Variants in ST3GAL1 observed in about 807,000 individuals in gnomAD.
ST3GAL1 encodes the protein CMP-N-acetylneuraminate-beta-galactosamide-alpha-2,3-sialyltransferase 1.
A neutral mutation model predicts 34.1 loss-of-function variants in ST3GAL1; 16 were observed. The observed-to-expected ratio is 0.47, with a 90% confidence interval of 0.32 to 0.71. ST3GAL1 has a LOEUF of 0.71. Among genes scored for constraint, ST3GAL1 ranks in the 30% least tolerant of loss-of-function variants. ST3GAL1 has a pLI of 0.04. For missense variants in ST3GAL1, 353 were observed against 447.4 expected, an observed-to-expected ratio of 0.79 and a Z score of 1.90; for synonymous variants, 191 against 184.7, an observed-to-expected ratio of 1.03 and a Z score of -0.28.
chr8:133,527,670 C>T (rs1029733184), intron 2 of ST3GAL1, among the ~76,000 whole-genome samples: 3 of 152,188 alleles, frequency 2.0e-5, no homozygotes, highest in Non-Finnish European at 4.4e-5. Flanking sequence ...TCATCCTAGG[C>T]ACGGGAGAAC....
At chr8:133,535,590 A>G (rs1563731536) in intron 2 of ST3GAL1, among the ~76,000 whole-genome samples, 1 of 149,506 alleles carries the variant, frequency 6.7e-6, no homozygotes, top group Admixed American at 6.6e-5. Flanking sequence ...GCAGCCTTGA[A>G]CTTCTGGCCT....
intron 2 of ST3GAL1, among the ~76,000 whole-genome samples, chr8:133,511,010 G>A (rs1817486392): frequency 6.6e-6 from 1 of 152,198 alleles, no homozygotes; most frequent in Non-Finnish European, 1.5e-5. Flanking sequence ...ATAAACAGAA[G>A]TGCTTGTAGC....
At chr8:133,525,010 G>C (rs937523626) in intron 2 of ST3GAL1, among the ~76,000 whole-genome samples, 1 of 152,174 alleles carries the variant, frequency 6.6e-6, no homozygotes, top group Non-Finnish European at 1.5e-5. Context: ...GAGGGAGGAG[G>C]GTGTGTTTCA....
At chr8:133,540,375 C>A (rs59413766) in intron 2 of ST3GAL1, among the ~76,000 whole-genome samples, 27,704 of 152,100 alleles carry the variant, frequency 0.18, 2,647 homozygotes, top group South Asian at 0.3. Context: ...GGTCTCTGGG[C>A]CAGCTGATAA....
Position 133,541,096 on chromosome 8 carries a change from CATAT to C in ST3GAL1, c.-429+4674_-429+4677del, listed in dbSNP as rs780797700. On this transcript the variant is annotated intron_variant, in intron 2 of 9. Coordinates refer to ENST00000522652, the MANE Select transcript of ST3GAL1 (RefSeq NM_173344.3). ...ATATATATAGACATATATATATAAA[CATAT>C]ATATATATATATATATATATAGAGA... Among the ~76,000 whole-genome samples, 126 of 37,178 alleles carry C rather than the reference CATAT, an allele frequency of 3.4e-3. 7 individuals carry two copies. The highest frequency in any genetic ancestry group is 0.026 in the East Asian group (42 of 1,598). 24.4% of individuals were successfully genotyped at this position (37,178 alleles called of 152,430 possible). A position where few individuals can be genotyped will look rare whatever the true frequency, so the allele number is the denominator to read the frequency against.
At chr8:133,562,324 C>T (rs944351174) in intron 1 of ST3GAL1, among the ~76,000 whole-genome samples, 8 of 151,728 alleles carry the variant, frequency 5.3e-5, no homozygotes, top group Non-Finnish European at 2.9e-5. Flanking sequence ...ATTCTCCTAC[C>T]TCAGCCTCCC....
Position 133,570,330 on chromosome 8 carries a change from G to C in ST3GAL1, c.-582+1363C>G, listed in dbSNP as rs1287391990. The C allele has an allele frequency of 2.0e-5, 3 of 152,304 alleles. No individual in the cohort carries two copies. Among genetic ancestry groups the C allele is most frequent in the Non-Finnish European group, 4.4e-5 (3 of 68,078 alleles). The allele number at this position is 152,304 out of a possible 1,614,324, so 9.4% of individuals were successfully genotyped here. A position where few individuals can be genotyped will look rare whatever the true frequency, so the allele number is the denominator to read the frequency against. ...GAAAGCCGGGCGAATGCCTGATGCA[G>C]GGACGCGGCGAGCCAGTCACTGCCC... On this transcript the variant is annotated intron_variant, in intron 1 of 9. Coordinates refer to ENST00000522652, the MANE Select transcript of ST3GAL1 (RefSeq NM_173344.3). The surrounding 1 kb of genome is among the most constrained non-coding windows in gnomAD (Gnocchi z 5.6).
Position 133,466,049 on chromosome 8 carries a change from G to T in ST3GAL1, c.348C>A (p.Thr116=), listed in dbSNP as rs1393297273. The T allele has an allele frequency of 6.2e-7, 1 of 1,613,920 alleles. No homozygotes were observed. ...GCACCACTCTGAACAGCTCCTTGAT[G>T]GTGTCATTCAAGTTATTGGGCTTCT... ...REKKPNNLND[T]IKELFRVVPG... is the part of the protein sequence containing the mutation. The change falls in exon 6 of 10, where the codon ACC becomes ACA. Residue 116 remains threonine (T), a synonymous_variant. Coordinates refer to ENST00000522652, the MANE Select transcript of ST3GAL1 (RefSeq NM_173344.3). The surrounding 1 kb of genome is among the most constrained non-coding windows in gnomAD (Gnocchi z 4.4).
At chr8:133,562,809 C>CAA (rs1819274358) in intron 1 of ST3GAL1, among the ~76,000 whole-genome samples, 2 of 117,012 alleles carry the variant, frequency 1.7e-5, no homozygotes, top group Non-Finnish European at 3.4e-5. Flanking sequence ...TTCCTTCCTT[C>CAA]CTTCCTTCCT....
chr8:133,478,255 G>C (rs1247263484), intron 3 of ST3GAL1, among the ~76,000 whole-genome samples: 1 of 152,196 alleles, frequency 6.6e-6, no homozygotes, highest in Non-Finnish European at 1.5e-5. Context: ...TCACTTGACT[G>C]GCAGAGGGTT....
At chr8:133,528,241 G>A (rs1395731715) in intron 2 of ST3GAL1, among the ~76,000 whole-genome samples, 1 of 152,096 alleles carries the variant, frequency 6.6e-6, no homozygotes, top group Non-Finnish European at 1.5e-5. Context: ...TTCACTCCTA[G>A]GGCCCCCAGA....
chr8:133,470,909 C>T (rs1206454315), intron 5 of ST3GAL1, among the ~76,000 whole-genome samples: 1 of 152,170 alleles, frequency 6.6e-6, no homozygotes, highest in African/African-American at 2.4e-5. Flanking sequence ...TGTGCTATGG[C>T]AGAGTTTGTC....
chr8:133,471,892 AG>A (rs1411794704), intron 5 of ST3GAL1, among the ~76,000 whole-genome samples: 1 of 151,866 alleles, frequency 6.6e-6, no homozygotes, highest in Admixed American at 6.5e-5. Flanking sequence ...GGCGGAAATC[AG>A]GGGAGGGTCG....
chr8:133,540,099 C>T (rs899701091), intron 2 of ST3GAL1, among the ~76,000 whole-genome samples: 3 of 152,126 alleles, frequency 2.0e-5, no homozygotes, highest in Admixed American at 1.3e-4. Flanking sequence ...CTCTTCATTT[C>T]ACTCACGCCA....
chr8:133,507,115 C>T lies in ST3GAL1; in HGVS notation c.-428-7926G>A, dbSNP rs749381893. On this transcript the variant is annotated intron_variant, in intron 2 of 9. Transcript: ENST00000522652. Reference sequence around the variant, plus strand: ...AAATCCAAGAATTCCACATAAGAAACGTGTTCTAGACTCTGGAGTCCAAGT... The same window carrying T: ...AAATCCAAGAATTCCACATAAGAAATGTGTTCTAGACTCTGGAGTCCAAGT... 1.6e-4 allele frequency among the ~76,000 whole-genome samples: 25 copies of T among 152,098 alleles called. 1 individual carries two copies. The highest frequency in any genetic ancestry group is 6.2e-4 in the South Asian group (3 of 4,834).
intron 2 of ST3GAL1, among the ~76,000 whole-genome samples, chr8:133,540,842 C>T (rs201159224): frequency 1.4e-4 from 11 of 78,584 alleles, no homozygotes; most frequent in South Asian, 4.5e-4. Context: ...TATAGAGAGA[C>T]ATATATATAG....
chr8:133,541,120 T>TATATATATAGAGAGAGAG (rs71299078), intron 2 of ST3GAL1, among the ~76,000 whole-genome samples: 5 of 48,628 alleles, frequency 1.0e-4, no homozygotes, highest in African/African-American at 4.0e-4. Flanking sequence ...TATATATATA[T>TATATATATAGAGAGAGAG]AGAGAGAGAG....
At chr8:133,505,943 T>C (rs893005480) in intron 2 of ST3GAL1, among the ~76,000 whole-genome samples, 11 of 152,170 alleles carry the variant, frequency 7.2e-5, no homozygotes, top group Admixed American at 4.6e-4. Flanking sequence ...AAAATACAAG[T>C]CCTCAGTTGC....
intron 5 of ST3GAL1, among the ~76,000 whole-genome samples, chr8:133,468,804 T>C (rs928093027): frequency 6.6e-6 from 1 of 152,158 alleles, no homozygotes; most frequent in Non-Finnish European, 1.5e-5. Flanking sequence ...CCTGCATTTC[T>C]AACAGACTCC....
Sources: gnomAD v4.1 joint callset for allele counts (sites outside exome capture counted in the v4.1 genomes callset) on GRCh38, gnomAD v4.1.1 for gene constraint, Gnocchi (gnomAD v3.1) non-coding constraint, MANE v1.5 for transcripts, NCBI Gene and HGNC (gene_info 2026-07-23, HGNC 2026-07-21) for gene names.